Variants in LIFR observed in about 807,000 individuals in gnomAD.
LIFR encodes LIF receptor subunit alpha, also known as leukemia inhibitory factor receptor.
A neutral mutation model predicts 122.2 loss-of-function variants in LIFR; 84 were observed. The observed-to-expected ratio is 0.69, with a 90% CI of 0.58 to 0.82. The LOEUF is 0.82. Among genes scored for constraint, LIFR ranks in the 40% least tolerant of loss-of-function variants. The pLI is 0.00. For missense variants in LIFR, 1,294 were observed against 1,311.6 expected (o/e 0.99, Z 0.21); for synonymous variants, 422 against 434.7 (o/e 0.97, Z 0.36).
chr5:38,528,346 G>C (rs1329259451), intron 3 of LIFR, among the ~76,000 whole-genome samples: 2 of 152,168 alleles, frequency 1.3e-5, no homozygotes, highest in Non-Finnish European at 1.5e-5. Context: ...TTTGGCCTGT[G>C]GTGGGCATGT....
intron 19 of LIFR, 32 bp downstream of exon 19, chr5:38,482,557 T>G (rs763852784): frequency 8.9e-7 from 1 of 1,126,924 alleles, no homozygotes; most frequent in South Asian, 1.5e-5. Flanking sequence ...AGCCAGCACA[T>G]CAAAGATAAA....
intron 1 of LIFR, among the ~76,000 whole-genome samples, chr5:38,553,668 A>ATATATATATT (rs1748359926): frequency 8.9e-6 from 1 of 111,766 alleles, no homozygotes; most frequent in Non-Finnish European, 1.8e-5. Flanking sequence ...ATATATATAT[A>ATATATATATT]TATATTATAT....
intron 4 of LIFR, among the ~76,000 whole-genome samples, chr5:38,525,481 G>A (rs1746631212): frequency 6.6e-6 from 1 of 152,028 alleles, no homozygotes; most frequent in South Asian, 2.1e-4. Context: ...CATTAATCTC[G>A]GAACTTAAAA....
chr5:38,536,540 C>T (rs900928300), intron 1 of LIFR, among the ~76,000 whole-genome samples: 15 of 152,164 alleles, frequency 9.9e-5, no homozygotes, highest in African/African-American at 3.1e-4. Context: ...GGTCTTGGAA[C>T]GTGCCCCCAC....
rs1377448196 is a variant in LIFR at position 38,496,395 on chromosome 5, C to T, written c.1872G>A (p.Met624Ile). ...GSSPPSKIAS[M>I]EIPNDDLKIE... is the part of the protein sequence containing the mutation. ...TCAAGCACTCACCATTTGGAATTTCCATACTCGCTATTTTGGAAGGTGGTG... is the reference window on the plus strand; with the variant it reads ...TCAAGCACTCACCATTTGGAATTTCTATACTCGCTATTTTGGAAGGTGGTG... The change falls in exon 13 of 20, where the codon ATG (methionine) becomes ATA (isoleucine). Residue 624 changes from methionine to isoleucine, a missense_variant. Physicochemically the swap from Met to Ile is conservative, Grantham distance 10. Transcript: ENST00000453190. The T allele has an allele frequency of 6.2e-7, 1 of 1,612,890 alleles. No homozygotes were observed. The highest frequency in any genetic ancestry group is 1.3e-5 in the African/African-American group (1 of 74,908).
At chr5:38,558,207 T>C (rs186719034), upstream of LIFR, 1 of 152,264 alleles carries the variant, frequency 6.6e-6, no homozygotes, top group East Asian at 1.9e-4. Flanking sequence ...TGTGTATATG[T>C]ATATATATTT....
chr5:38,523,674 A>C, intron 4 of LIFR, 92 bp from the exon 5 acceptor site: 1 of 1,019,624 alleles, frequency 9.8e-7, no homozygotes. Context: ...TATAAACTCT[A>C]TTCCTTCTTG....
chr5:38,539,675 T>C (rs1442439750), intron 1 of LIFR, among the ~76,000 whole-genome samples: 4 of 151,928 alleles, frequency 2.6e-5, no homozygotes, highest in Admixed American at 6.6e-5. Context: ...TTTTGGTTTT[T>C]TGGGGGGGGT....
intron 1 of LIFR, among the ~76,000 whole-genome samples, chr5:38,551,554 G>A (rs1459811438): frequency 6.6e-6 from 1 of 152,208 alleles, no homozygotes; most frequent in African/African-American, 2.4e-5. Context: ...ATTGCAAGAG[G>A]CCTCAGTATT....
rs983531240 is a variant in LIFR, at chr5:38,484,761, T to G, written c.2591+14A>C. On this transcript the variant is annotated intron_variant, in intron 18 of 19. Transcript: ENST00000453190. ...TTAAGAAGAAAACAGCAAGAGTAAA[T>G]GCAGAACTATTACCATTCTCGTTTC... 1 of 1,557,342 alleles carries G rather than the reference T, an allele frequency of 6.4e-7. No individual in the cohort carries two copies. The highest frequency in any genetic ancestry group is 1.4e-5 in the African/African-American group (1 of 73,904).
At chr5:38,598,257 T>C (rs1234553637), upstream of LIFR, among the ~76,000 whole-genome samples, 1 of 58,106 alleles carries the variant, frequency 1.7e-5, no homozygotes, top group African/African-American at 1.1e-4. Flanking sequence ...TTTTTTTTTT[T>C]TTCTTTTTAG....
At chr5:38,580,713 T>C (rs961667002) in intron 1 of LIFR, among the ~76,000 whole-genome samples, 5 of 152,190 alleles carry the variant, frequency 3.3e-5, no homozygotes, top group African/African-American at 1.2e-4. Context: ...CTGCTCTTTT[T>C]TTCCCTCGTT....
intron 5 of LIFR, among the ~76,000 whole-genome samples, chr5:38,517,650 G>T (rs1746157708): frequency 6.6e-6 from 1 of 151,844 alleles, no homozygotes; most frequent in Non-Finnish European, 1.5e-5. Context: ...AAGGTCAAGA[G>T]ATCGAGACCA....
intron 1 of LIFR, among the ~76,000 whole-genome samples, chr5:38,586,375 G>A (rs1192188911): frequency 6.6e-6 from 1 of 151,748 alleles, no homozygotes; most frequent in Non-Finnish European, 1.5e-5. Context: ...CACTTATAAT[G>A]TTTAAATAAA....
rs1743770548 is a variant in LIFR, at chr5:38,477,306, T to C, written c.*4289A>G. ...ATATTCTAAGGCTAAGTCTAAAAGA[T>C]GAATGTTCTGTAACTTTGGCCATAA... On this transcript the variant is annotated 3_prime_UTR_variant, in exon 20 of 20. Coordinates refer to ENST00000453190, the MANE Select transcript of LIFR (RefSeq NM_001127671.2). 1 of 219,504 alleles carries C rather than the reference T, an allele frequency of 4.6e-6. No homozygotes were observed. Among genetic ancestry groups the C allele is most frequent in the Non-Finnish European group, 9.1e-6 (1 of 109,562 alleles). 13.6% of individuals were successfully genotyped at this position (219,504 alleles called of 1,614,324 possible). A position where few individuals can be genotyped will look rare whatever the true frequency, so the allele number is the denominator to read the frequency against.
At chr5:38,604,740 A>C (rs1032081052) in intron 2 of LIFR, among the ~76,000 whole-genome samples, 4 of 152,042 alleles carry the variant, frequency 2.6e-5, no homozygotes, top group Non-Finnish European at 4.4e-5. Flanking sequence ...TATTTTGCTA[A>C]GATGAAGGAC....
At position 38,510,841 on chromosome 5, in the gene LIFR, A is replaced by G. The variant is rs543865994; in HGVS notation, c.737-123T>C. 103 of 737,936 alleles carry G rather than the reference A, an allele frequency of 1.4e-4. No homozygotes were observed. The East Asian group carries it at 2.7e-3, about 20-fold the overall frequency. The allele number at this position is 737,936 out of a possible 1,614,324, so 45.7% of individuals were successfully genotyped here. On this transcript the variant is annotated intron_variant, in intron 6 of 19. Transcript: ENST00000453190. ...AAATAGCCCAGTATATACACTACAA[A>G]CTGTTAGGTGCTTTGTAATGATAAT...
At chr5:38,517,942 GAAAAA>G (rs36122781) in intron 5 of LIFR, among the ~76,000 whole-genome samples, 1 of 120,646 alleles carries the variant, frequency 8.3e-6, no homozygotes, top group African/African-American at 3.1e-5. Context: ...CCATCTCTAT[GAAAAA>G]AAAAAAAACA....
At chr5:38,539,520 C>G (rs759382187) in intron 1 of LIFR, among the ~76,000 whole-genome samples, 2 of 152,106 alleles carry the variant, frequency 1.3e-5, no homozygotes, top group African/African-American at 4.8e-5. Flanking sequence ...ATAGAGTCCT[C>G]GGTGAGGACT....
Sources: allele counts gnomAD v4.1 joint callset (sites outside exome capture counted in the v4.1 genomes callset), GRCh38; gene constraint gnomAD v4.1.1; transcripts MANE v1.5; gene names NCBI Gene and HGNC (gene_info 2026-07-23, HGNC 2026-07-21).